The following INPP4A variants were observed in gnomAD, a reference collection of about 807,000 sequenced individuals.
INPP4A encodes inositol polyphosphate-4-phosphatase type I A, also known as inositol polyphosphate-4-phosphatase, type I, 107kD.
INPP4A carries 33 observed loss-of-function variants against 119.8 expected under a neutral mutation model. That is an observed-to-expected ratio of 0.28 (90% CI 0.21 to 0.37). INPP4A has a LOEUF of 0.37. Ranked by LOEUF, INPP4A falls within the 10% of genes least tolerant of loss-of-function variation. The pLI, the probability that INPP4A is intolerant of heterozygous loss-of-function variation, is 1.00. For missense variants in INPP4A, 956 were observed against 1,289.9 expected (o/e 0.74, Z 3.97); for synonymous variants, 496 against 500.7 (o/e 0.99, Z 0.12).
intron 14 of INPP4A, among the ~76,000 whole-genome samples, chr2:98,553,370 A>AAGG (rs1162725651): frequency 1.3e-5 from 2 of 152,176 alleles, no homozygotes; most frequent in African/African-American, 4.8e-5. Context: ...ACATAAGAAG[A>AAGG]ATATAATTTT....
intron 19 of INPP4A, 99 bp downstream of exon 19, chr2:98,564,862 A>G: frequency 1.5e-6 from 2 of 1,364,378 alleles, no homozygotes; most frequent in Non-Finnish European, 1.9e-6. Flanking sequence ...ATGCGTGCTT[A>G]TTGAAATAAA....
chr2:98,544,904 G>T (rs990792911), intron 11 of INPP4A, among the ~76,000 whole-genome samples: 1 of 152,182 alleles, frequency 6.6e-6, no homozygotes, highest in African/African-American at 2.4e-5. Flanking sequence ...TAGGAGAAAC[G>T]GCAACATTTG....
At position 98,518,956 on chromosome 2, in the gene INPP4A, A is replaced by G. The variant is rs1420878846; in HGVS notation, c.-165-8A>G. ...CAGCTTGTTAAGTTTTCGCTTTCTT[A>G]TTTTTAGATGATGGATTTGGACATG... On this transcript the variant is annotated splice_region_variant and splice_polypyrimidine_tract_variant and intron_variant, in intron 1 of 24. Transcript: ENST00000409851. 6.6e-6 allele frequency: 1 copy of G among 152,134 alleles called. No individual in the cohort carries two copies. The highest frequency in any genetic ancestry group is 1.5e-5 in the Non-Finnish European group (1 of 68,022). The allele number at this position is 152,134 out of a possible 1,614,324, so 9.4% of individuals were successfully genotyped here. A position where few individuals can be genotyped will look rare whatever the true frequency, so the allele number is the denominator to read the frequency against.
chr2:98,497,793 T>A (rs915610285), intron 1 of INPP4A, among the ~76,000 whole-genome samples: 7 of 152,190 alleles, frequency 4.6e-5, no homozygotes, highest in Non-Finnish European at 7.3e-5. Context: ...ATGACCTGGA[T>A]ATGAGACATG....
In INPP4A at chr2:98,466,853, G is replaced by A. The variant is rs144941241; in HGVS notation, c.-166+21768G>A. ...GGCAGTCCCTGAATAACTACACCAGGCTTCTGAATGCCGAGTTTCTTAGAG... is the reference window on the plus strand; with the variant it reads ...GGCAGTCCCTGAATAACTACACCAGACTTCTGAATGCCGAGTTTCTTAGAG... On this transcript the variant is annotated intron_variant, in intron 1 of 24. Coordinates refer to ENST00000409851, the MANE Select transcript of INPP4A (RefSeq NM_001134225.2). Among the ~76,000 whole-genome samples, 40 of 152,268 alleles carry A rather than the reference G, an allele frequency of 2.6e-4. No homozygotes were observed. The East Asian group carries it at 6.7e-3, about 26-fold the overall frequency.
At chr2:98,520,600 G>A (rs1034493494) in intron 3 of INPP4A, 87 bp from the exon 4 acceptor site, 2 of 778,754 alleles carry the variant, frequency 2.6e-6, no homozygotes, top group African/African-American at 3.6e-5. Flanking sequence ...GTTGTTGGGG[G>A]GAAGTAGAGG....
chr2:98,549,071 G>T, intron 13 of INPP4A: 1 of 1,038,800 alleles, frequency 9.6e-7, no homozygotes, highest in Non-Finnish European at 1.5e-6. Context: ...TTCCCCTGCG[G>T]TGCTGCCATG....
chr2:98,586,355 G>GT (rs1559130033), intron 24 of INPP4A, among the ~76,000 whole-genome samples: 2 of 150,798 alleles, frequency 1.3e-5, no homozygotes, highest in African/African-American at 4.9e-5. Flanking sequence ...TTTTAAATGC[G>GT]TGACATAATG....
intron 23 of INPP4A, among the ~76,000 whole-genome samples, chr2:98,576,107 G>C (rs539063841): frequency 6.6e-6 from 1 of 152,330 alleles, no homozygotes; most frequent in South Asian, 2.1e-4. Flanking sequence ...ACATAAAATG[G>C]GATAAGTAAA....
At chr2:98,489,984 C>G (rs1680366184) in intron 1 of INPP4A, among the ~76,000 whole-genome samples, 1 of 151,048 alleles carries the variant, frequency 6.6e-6, no homozygotes, top group African/African-American at 2.4e-5. Context: ...TTAGAAGGGC[C>G]TAGGGTGATG....
At chr2:98,552,492 G>A in intron 13 of INPP4A, 1 of 504,092 alleles carries the variant, frequency 2.0e-6, no homozygotes, top group Non-Finnish European at 3.8e-6. Context: ...GGTGATTATG[G>A]GATATGATTG....
intron 18 of INPP4A, 150 bp downstream of exon 18, chr2:98,563,787 A>G (rs1695927576): frequency 1.2e-5 from 9 of 775,524 alleles, no homozygotes. Flanking sequence ...TATTTAATAG[A>G]GAGGTCTACA....
Position 98,545,926 on chromosome 2 carries a change from A to G in INPP4A, c.950-43A>G, listed in dbSNP as rs1378156327. On this transcript the variant is annotated intron_variant, in intron 11 of 24. Transcript: ENST00000409851. Reference sequence around the variant, plus strand: ...TCTACTTGCAACTCGTGAATGCAGCATGTATGCTGATGGCCTTTATCTTCT... The same window carrying G: ...TCTACTTGCAACTCGTGAATGCAGCGTGTATGCTGATGGCCTTTATCTTCT... The G allele has an allele frequency of 2.2e-5, 30 of 1,383,282 alleles. 1 individual carries two copies. Among genetic ancestry groups the G allele is most frequent in the Non-Finnish European group, 2.8e-5 (28 of 1,002,214 alleles). The allele number at this position is 1,383,282 out of a possible 1,614,324, so 85.7% of individuals were successfully genotyped here.
chr2:98,530,133 GAAAGA>G (rs1385415302), intron 4 of INPP4A, among the ~76,000 whole-genome samples: 3 of 148,294 alleles, frequency 2.0e-5, no homozygotes, highest in Admixed American at 1.3e-4. Flanking sequence ...ATTCTAAGGA[GAAAGA>G]AAATCTTTTT....
chr2:98,464,072 C>G (rs1450213128), intron 1 of INPP4A, among the ~76,000 whole-genome samples: 11 of 152,142 alleles, frequency 7.2e-5, no homozygotes, highest in African/African-American at 2.4e-4. Flanking sequence ...TCTTCTTTTT[C>G]TTCATTTTTT....
chr2:98,505,824 C>G (rs553350381), intron 1 of INPP4A, among the ~76,000 whole-genome samples: 5 of 152,154 alleles, frequency 3.3e-5, no homozygotes, highest in African/African-American at 1.2e-4. Context: ...CTGTCTCCAC[C>G]ATTAGAAATA....
chr2:98,488,838 A>G (rs2105187766), intron 1 of INPP4A, among the ~76,000 whole-genome samples: 1 of 151,994 alleles, frequency 6.6e-6, no homozygotes, highest in East Asian at 1.9e-4. Flanking sequence ...GAGGGGGTGG[A>G]GTAGGGAGTG....
Position 98,468,295 on chromosome 2 carries a change from A to G in INPP4A, c.-166+23210A>G, listed in dbSNP as rs574514420. On this transcript the variant is annotated intron_variant, in intron 1 of 24. Transcript: ENST00000409851. ...CTGTTGTCTAGTCTGGAGTACAGCCATGTAATCATAGCTCATTGCAGCCTT... is the reference window on the plus strand; with the variant it reads ...CTGTTGTCTAGTCTGGAGTACAGCCGTGTAATCATAGCTCATTGCAGCCTT... Among the ~76,000 whole-genome samples, 47 of 152,360 alleles carry G rather than the reference A, an allele frequency of 3.1e-4. 1 individual carries two copies. The highest frequency in any genetic ancestry group is 2.9e-3 in the South Asian group (14 of 4,830).
intron 24 of INPP4A, among the ~76,000 whole-genome samples, chr2:98,577,827 A>G (rs1481492877): frequency 1.3e-5 from 2 of 152,228 alleles, no homozygotes; most frequent in East Asian, 1.9e-4. Context: ...TACCTCACAT[A>G]CCAAAAGAAA....
Sources: allele counts gnomAD v4.1 joint callset (sites outside exome capture counted in the v4.1 genomes callset), GRCh38; gene constraint gnomAD v4.1.1; transcripts MANE v1.5; gene names NCBI Gene and HGNC (gene_info 2026-07-23, HGNC 2026-07-21).